The following TCF4 variants were observed in gnomAD, a reference collection of about 807,000 sequenced individuals.
The protein encoded by TCF4 is SL3-3 enhancer factor 2.
A neutral mutation model predicts 82.1 loss-of-function variants in TCF4; 3 were observed. The ratio of observed to expected loss-of-function variants is 0.04; its 90% CI spans 0.02 to 0.09. The LOEUF (loss-of-function observed/expected upper bound fraction) is 0.09. Ranked by LOEUF, TCF4 falls within the 10% of genes least tolerant of loss-of-function variation. The pLI, the probability that TCF4 is intolerant of heterozygous loss-of-function variation, is 1.00. For synonymous variants in TCF4, 276 were observed against 309.6 expected (o/e 0.89, Z 1.14); for missense variants, 518 against 852.7 (o/e 0.61, Z 4.89).
chr18:55,531,124 T>C (rs2097058592), intron 3 of TCF4, among the ~76,000 whole-genome samples: 1 of 151,934 alleles, frequency 6.6e-6, no homozygotes, highest in Non-Finnish European at 1.5e-5. Context: ...GCTAATTTTT[T>C]TGTATTTTTA....
chr18:55,571,460 G>A (rs967715669), intron 3 of TCF4, among the ~76,000 whole-genome samples: 2 of 152,186 alleles, frequency 1.3e-5, no homozygotes, highest in Admixed American at 6.5e-5. Context: ...AAACCCACAG[G>A]CCGGCCAATG....
chr18:55,625,574 T>A (rs2097725776), intron 2 of TCF4, among the ~76,000 whole-genome samples: 2 of 152,304 alleles, frequency 1.3e-5, no homozygotes. Context: ...TTAAAAGTAT[T>A]GCCATAAAAC....
chr18:55,305,350 C>A (rs926127932), intron 8 of TCF4, among the ~76,000 whole-genome samples: 1 of 152,156 alleles, frequency 6.6e-6, no homozygotes, highest in Non-Finnish European at 1.5e-5. Context: ...CACAAAAATT[C>A]TGTCACTTAC....
intron 3 of TCF4, among the ~76,000 whole-genome samples, chr18:55,531,988 T>C (rs2097068909): frequency 6.6e-6 from 1 of 152,230 alleles, no homozygotes; most frequent in African/African-American, 2.4e-5. Flanking sequence ...TTGCATAGGA[T>C]GCAAATGTAC....
intron 5 of TCF4, among the ~76,000 whole-genome samples, chr18:55,436,532 A>C (rs2095333199): frequency 6.6e-6 from 1 of 152,240 alleles, no homozygotes; most frequent in African/African-American, 2.4e-5. Context: ...TTCTCTCTGC[A>C]TCTTAATTTT....
chr18:55,621,489 T>TTA (rs1399043931), intron 2 of TCF4, among the ~76,000 whole-genome samples: 178 of 1,498 alleles, frequency 0.12, 6 homozygotes, highest in Admixed American at 0.19. Context: ...ATAATATATA[T>TTA]TATATAATGT....
chr18:55,631,051 G>GGT (rs2097731014), intron 2 of TCF4, among the ~76,000 whole-genome samples: 2 of 142,300 alleles, frequency 1.4e-5, no homozygotes, highest in Admixed American at 7.0e-5. Flanking sequence ...AGAGCAATGG[G>GGT]TTTTTTTTTT....
chr18:55,507,102 A>G (rs536952302), intron 3 of TCF4, among the ~76,000 whole-genome samples: 70 of 152,276 alleles, frequency 4.6e-4, no homozygotes, highest in African/African-American at 1.7e-3. Flanking sequence ...ACCTCAGGTG[A>G]TCCGCCCGCC....
chr18:55,462,659 C>T (rs2095891439), intron 4 of TCF4, among the ~76,000 whole-genome samples: 1 of 152,084 alleles, frequency 6.6e-6, no homozygotes, highest in South Asian at 2.1e-4. Context: ...TTAAAAGTAC[C>T]ATGTGTACTG....
intron 6 of TCF4, among the ~76,000 whole-genome samples, chr18:55,367,245 T>C (rs1194557384): frequency 2.6e-5 from 4 of 152,244 alleles, no homozygotes; most frequent in African/African-American, 9.6e-5. Flanking sequence ...CTTATGTGTA[T>C]GCGAGTGTGT....
chr18:55,454,364 T>C (rs2095690897), intron 5 of TCF4, among the ~76,000 whole-genome samples: 1 of 152,064 alleles, frequency 6.6e-6, no homozygotes. Flanking sequence ...CTTGGTACAG[T>C]AAGGTATAGG....
intron 8 of TCF4, among the ~76,000 whole-genome samples, chr18:55,330,336 T>C (rs1193182656): frequency 6.6e-6 from 1 of 151,502 alleles, no homozygotes; most frequent in African/African-American, 2.4e-5. Flanking sequence ...TGTGCCACCA[T>C]GCCCAGATAG....
intron 2 of TCF4, among the ~76,000 whole-genome samples, chr18:55,609,919 GT>G (rs1446362491): frequency 6.6e-6 from 1 of 151,160 alleles, no homozygotes; most frequent in African/African-American, 2.4e-5. Context: ...CCCCCTGTTT[GT>G]TTTCTTTTTC....
intron 3 of TCF4, among the ~76,000 whole-genome samples, chr18:55,574,232 G>C (rs2097505487): frequency 1.3e-5 from 2 of 152,102 alleles, no homozygotes; most frequent in African/African-American, 4.8e-5. Context: ...AGAGATTTTA[G>C]GATTTCCGTT....
chr18:55,614,220 G>T (rs1477929873), intron 2 of TCF4, among the ~76,000 whole-genome samples: 1 of 152,210 alleles, frequency 6.6e-6, no homozygotes, highest in African/African-American at 2.4e-5. Flanking sequence ...TAAAGCTGCT[G>T]TGAACATTTG....
chr18:55,268,527 A>C (rs1568569591), intron 11 of TCF4: 1 of 152,164 alleles, frequency 6.6e-6, no homozygotes, highest in Non-Finnish European at 1.5e-5. Context: ...AAGTTAAAAA[A>C]AATGGAAACT....
intron 3 of TCF4, among the ~76,000 whole-genome samples, chr18:55,500,499 C>T (rs753511998): frequency 2.6e-5 from 4 of 152,194 alleles, no homozygotes; most frequent in Non-Finnish European, 4.4e-5. Context: ...CAGTTCATTT[C>T]GGCACATCCT....
intron 3 of TCF4, among the ~76,000 whole-genome samples, chr18:55,540,093 T>C (rs1300125066): frequency 1.3e-5 from 2 of 150,660 alleles, no homozygotes; most frequent in Non-Finnish European, 3.0e-5. Flanking sequence ...AGACATAATA[T>C]AGAATGAGAA....
At chr18:55,430,475 T>C (rs1331222237) in intron 5 of TCF4, among the ~76,000 whole-genome samples, 1 of 152,184 alleles carries the variant, frequency 6.6e-6, no homozygotes, top group Admixed American at 6.5e-5. Context: ...AAAATGACAC[T>C]TGCAAGCCAC....
Sources: allele counts gnomAD v4.1 joint callset (sites outside exome capture counted in the v4.1 genomes callset), GRCh38; gene constraint gnomAD v4.1.1; transcripts MANE v1.5; gene names NCBI Gene and HGNC (gene_info 2026-07-23, HGNC 2026-07-21).